The following ATRNL1 variants were observed in gnomAD, a reference collection of about 807,000 sequenced individuals.
ATRNL1 encodes attractin like 1, also known as attractin-like protein 1.
In ATRNL1, 95 loss-of-function variants were observed where a neutral mutation model predicts 182.7. That is an observed-to-expected ratio of 0.52 (90% CI 0.44 to 0.62). The LOEUF is 0.62. Among genes scored for constraint, ATRNL1 ranks in the 20% least tolerant of loss-of-function variants. The probability of loss-of-function intolerance (pLI) is 0.00; values close to 1 mark genes in which losing one functional copy is unlikely to be tolerated. For synonymous variants in ATRNL1, 576 were observed against 568.3 expected, an observed-to-expected ratio of 1.01 and a Z score of -0.19; for missense variants, 1,471 against 1,679.5, an observed-to-expected ratio of 0.88 and a Z score of 2.17.
At chr10:115,722,171 T>A (rs4751928) in intron 26 of ATRNL1, among the ~76,000 whole-genome samples, 55,946 of 151,952 alleles carry the variant, frequency 0.37, 11,051 homozygotes, top group Admixed American at 0.54. Context: ...TTGTCAGTGT[T>A]AGACAGGTAG....
intron 25 of ATRNL1, among the ~76,000 whole-genome samples, chr10:115,527,407 C>T (rs1851279386): frequency 6.6e-6 from 1 of 152,172 alleles, no homozygotes; most frequent in Non-Finnish European, 1.5e-5. Flanking sequence ...AGGCATGAGC[C>T]ACTGTCCCCA....
At chr10:115,610,675 G>A (rs2133963599) in intron 26 of ATRNL1, among the ~76,000 whole-genome samples, 1 of 152,234 alleles carries the variant, frequency 6.6e-6, no homozygotes, top group African/African-American at 2.4e-5. Context: ...TTATAAAGTT[G>A]TGCCCACAAT....
At chr10:115,302,179 A>G (rs1367194467) in intron 17 of ATRNL1, 136 bp downstream of exon 17, 5 of 787,640 alleles carry the variant, frequency 6.3e-6, no homozygotes, top group Admixed American at 5.8e-5. Context: ...TTTGAAACCA[A>G]CTGGTACTGT....
At chr10:115,361,989 T>C (rs994422491) in intron 19 of ATRNL1, among the ~76,000 whole-genome samples, 21 of 152,190 alleles carry the variant, frequency 1.4e-4, no homozygotes, top group Admixed American at 8.5e-4. Context: ...TTTCCCACTC[T>C]TTAATATAGG....
chr10:115,204,886 G>A (rs1371171213), intron 8 of ATRNL1, among the ~76,000 whole-genome samples: 2 of 151,998 alleles, frequency 1.3e-5, no homozygotes, highest in African/African-American at 2.4e-5. Flanking sequence ...ATTCATTAGC[G>A]AAGCTCATTT....
chr10:115,219,413 T>C (rs1348401205), intron 9 of ATRNL1, among the ~76,000 whole-genome samples: 2 of 152,082 alleles, frequency 1.3e-5, no homozygotes, highest in African/African-American at 4.8e-5. Flanking sequence ...CATTTCTCTA[T>C]TGATGACACA....
intron 26 of ATRNL1, among the ~76,000 whole-genome samples, chr10:115,674,237 A>G (rs1414741095): frequency 6.6e-6 from 1 of 152,110 alleles, no homozygotes; most frequent in Non-Finnish European, 1.5e-5. Flanking sequence ...GAGTAGCATG[A>G]TAAATGTCAC....
At chr10:115,764,467 C>A (rs2134152556) in intron 27 of ATRNL1, among the ~76,000 whole-genome samples, 1 of 152,198 alleles carries the variant, frequency 6.6e-6, no homozygotes, top group Non-Finnish European at 1.5e-5. Context: ...GCCTATGCGT[C>A]CCCACACCCA....
intron 19 of ATRNL1, among the ~76,000 whole-genome samples, chr10:115,355,925 A>G (rs1045752666): frequency 6.6e-6 from 1 of 151,666 alleles, no homozygotes; most frequent in Non-Finnish European, 1.5e-5. Context: ...TTAATTTTTC[A>G]GTTTTGGGGA....
At chr10:115,237,924 A>G (rs1850255697) in intron 9 of ATRNL1, among the ~76,000 whole-genome samples, 2 of 152,188 alleles carry the variant, frequency 1.3e-5, no homozygotes, top group African/African-American at 4.8e-5. Flanking sequence ...TAAGGTCTGT[A>G]TCTAGATGAT....
intron 28 of ATRNL1, among the ~76,000 whole-genome samples, chr10:115,882,968 A>G (rs114831853): frequency 0.017 from 2,645 of 152,274 alleles, 88 homozygotes; most frequent in African/African-American, 0.06. Flanking sequence ...ATCCTTGCCC[A>G]TGTTCTCTGC....
chr10:115,115,294 A>G (rs1333790424), intron 1 of ATRNL1, among the ~76,000 whole-genome samples: 2 of 152,124 alleles, frequency 1.3e-5, no homozygotes, highest in African/African-American at 4.8e-5. Context: ...ATTAGGAAGA[A>G]TAAGTGTTCT....
chr10:115,915,796 A>G (rs1952831794), intron 28 of ATRNL1, among the ~76,000 whole-genome samples: 1 of 152,216 alleles, frequency 6.6e-6, no homozygotes, highest in Admixed American at 6.5e-5. Flanking sequence ...TATGCATGCT[A>G]TAAATTGTGA....
At chr10:115,371,889 G>A (rs1857414731) in intron 19 of ATRNL1, among the ~76,000 whole-genome samples, 1 of 152,100 alleles carries the variant, frequency 6.6e-6, no homozygotes, top group South Asian at 2.1e-4. Flanking sequence ...ATTCCCATGT[G>A]TTGTGGAAAG....
intron 28 of ATRNL1, among the ~76,000 whole-genome samples, chr10:115,932,732 T>C (rs1005502291): frequency 1.3e-5 from 2 of 152,224 alleles, no homozygotes; most frequent in Non-Finnish European, 2.9e-5. Flanking sequence ...AAATATTGAC[T>C]GCTAGGAACT....
At chr10:115,906,782 G>A (rs1952516010) in intron 28 of ATRNL1, among the ~76,000 whole-genome samples, 1 of 151,950 alleles carries the variant, frequency 6.6e-6, no homozygotes, top group Non-Finnish European at 1.5e-5. Context: ...TACAGTGAAG[G>A]CCATATAATT....
At chr10:115,438,477 T>C (rs1416508321) in intron 21 of ATRNL1, among the ~76,000 whole-genome samples, 1 of 152,000 alleles carries the variant, frequency 6.6e-6, no homozygotes, top group Non-Finnish European at 1.5e-5. Context: ...TGCATATACA[T>C]TTTAGTCATC....
intron 21 of ATRNL1, among the ~76,000 whole-genome samples, chr10:115,447,097 A>G (rs1300773042): frequency 1.3e-5 from 2 of 151,900 alleles, no homozygotes; most frequent in African/African-American, 2.4e-5. Context: ...TGTTCCTAGC[A>G]TATTTAAACA....
intron 21 of ATRNL1, among the ~76,000 whole-genome samples, chr10:115,458,790 C>CATCTTCCAA (rs771184120): frequency 7.2e-5 from 11 of 152,082 alleles, no homozygotes; most frequent in Non-Finnish European, 1.3e-4. Context: ...GATGCTTGAG[C>CATCTTCCAA]AGACAAATTT....
Sources: gnomAD v4.1 joint callset for allele counts (sites outside exome capture counted in the v4.1 genomes callset) on GRCh38, gnomAD v4.1.1 for gene constraint, MANE v1.5 for transcripts, NCBI Gene and HGNC (gene_info 2026-07-23, HGNC 2026-07-21) for gene names.